The following CDH13 variants were observed in gnomAD, a reference collection of about 807,000 sequenced individuals.
CDH13 encodes cadherin 13, also known as cadherin-13.
In CDH13, 24 loss-of-function variants were observed where a neutral mutation model predicts 63.8. That is an observed-to-expected ratio of 0.38 (90% CI 0.27 to 0.53). CDH13 has a LOEUF of 0.53. Ranked by LOEUF, CDH13 falls within the 20% of genes least tolerant of loss-of-function variation. The probability of loss-of-function intolerance (pLI) is 0.85; values close to 1 mark genes in which losing one functional copy is unlikely to be tolerated. For synonymous variants in CDH13, 503 were observed against 355.3 expected (o/e 1.42, Z -4.67); for missense variants, 1,049 against 903.1 (o/e 1.16, Z -2.07).
At chr16:83,711,896 G>T (rs1359488401) in intron 10 of CDH13, among the ~76,000 whole-genome samples, 1 of 152,194 alleles carries the variant, frequency 6.6e-6, no homozygotes, top group Non-Finnish European at 1.5e-5. Context: ...AGACTGAGCA[G>T]CTTAAGTAGC....
At chr16:82,988,534 G>A (rs972415603) in intron 2 of CDH13, among the ~76,000 whole-genome samples, 1 of 152,182 alleles carries the variant, frequency 6.6e-6, no homozygotes, top group Admixed American at 6.5e-5. Context: ...GGCTGAGGCG[G>A]GCAGATCACC....
Position 82,846,375 on chromosome 16 carries a change from G to A in CDH13, c.46-11987G>A, listed in dbSNP as rs1204203114. Among the ~76,000 whole-genome samples the A allele has an allele frequency of 3.3e-5, 5 of 151,878 alleles. No individual in the cohort carries two copies. The East Asian group carries it at 7.7e-4, about 23-fold the overall frequency. On this transcript the variant is annotated intron_variant, in intron 1 of 13. Transcript: ENST00000567109. ...CTTATTATATAAGAAATATATATCA[G>A]CTATCAATATAAATAATAACTAGCA...
Position 83,567,847 on chromosome 16 carries a change from G to A in CDH13, c.961-34607G>A, listed in dbSNP as rs544618041. On this transcript the variant is annotated intron_variant, in intron 7 of 13. Coordinates refer to ENST00000567109, the MANE Select transcript of CDH13 (RefSeq NM_001257.5). Reference sequence around the variant, plus strand: ...CCTGACCTCGTGATCCACCTGCCTCGGCCTCCCAAAGTGCTGGGATTACAG... The same window carrying A: ...CCTGACCTCGTGATCCACCTGCCTCAGCCTCCCAAAGTGCTGGGATTACAG... Among the ~76,000 whole-genome samples, 11 of 151,524 alleles carry A rather than the reference G, an allele frequency of 7.3e-5. No homozygotes were observed. In the East Asian group the frequency reaches 1.2e-3, roughly 16 times the overall value.
intron 10 of CDH13, among the ~76,000 whole-genome samples, chr16:83,709,899 T>C (rs1907744988): frequency 6.6e-6 from 1 of 152,228 alleles, no homozygotes; most frequent in African/African-American, 2.4e-5. Context: ...CTCTAGTCAT[T>C]GGATTTGTAG....
At chr16:83,043,508 T>C (rs1009608258) in intron 3 of CDH13, among the ~76,000 whole-genome samples, 1 of 151,374 alleles carries the variant, frequency 6.6e-6, no homozygotes, top group African/African-American at 2.4e-5. Flanking sequence ...TGTGTGTGTG[T>C]GTGTGTGTGT....
intron 1 of CDH13, among the ~76,000 whole-genome samples, chr16:82,666,815 A>C (rs1912639357): frequency 6.6e-6 from 1 of 152,228 alleles, no homozygotes; most frequent in South Asian, 2.1e-4. Context: ...TAGAACATTT[A>C]ATCCCAGAGC....
intron 3 of CDH13, among the ~76,000 whole-genome samples, chr16:83,092,829 AT>A (rs2033984861): frequency 6.6e-6 from 1 of 152,162 alleles, no homozygotes; most frequent in South Asian, 2.1e-4. Context: ...TAGTACATTA[AT>A]TTTTCTTAAG....
intron 3 of CDH13, among the ~76,000 whole-genome samples, chr16:83,042,554 G>T (rs560788793): frequency 2.6e-4 from 39 of 152,222 alleles, no homozygotes; most frequent in African/African-American, 8.9e-4. Flanking sequence ...ACTAATAATA[G>T]AAATAAAGTG....
intron 5 of CDH13, among the ~76,000 whole-genome samples, chr16:83,220,277 A>G (rs766009836): frequency 6.6e-6 from 1 of 152,208 alleles, no homozygotes; most frequent in African/African-American, 2.4e-5. Context: ...TTATTTTTAG[A>G]TGATGAGAAC....
chr16:83,336,890 C>A (rs1454010006), intron 5 of CDH13, among the ~76,000 whole-genome samples: 1 of 152,110 alleles, frequency 6.6e-6, no homozygotes, highest in East Asian at 1.9e-4. Flanking sequence ...GCATTTTGGC[C>A]TTCACCCAAG....
At chr16:83,143,537 G>C (rs1365352232) in intron 4 of CDH13, among the ~76,000 whole-genome samples, 1 of 152,118 alleles carries the variant, frequency 6.6e-6, no homozygotes, top group African/African-American at 2.4e-5. Context: ...GAACTACTTG[G>C]ATAGCAATAT....
chr16:83,227,481 C>T (rs1238365188), intron 5 of CDH13, among the ~76,000 whole-genome samples: 2 of 152,100 alleles, frequency 1.3e-5, no homozygotes, highest in Non-Finnish European at 1.5e-5. Context: ...GCTGGTGGTG[C>T]CTATGATCAG....
At chr16:82,711,618 A>G (rs1833790308) in intron 1 of CDH13, among the ~76,000 whole-genome samples, 1 of 152,206 alleles carries the variant, frequency 6.6e-6, no homozygotes, top group South Asian at 2.1e-4. Flanking sequence ...ATCCAGAGAC[A>G]TTGAGGGGCT....
intron 6 of CDH13, among the ~76,000 whole-genome samples, chr16:83,401,317 TG>T (rs1226338368): frequency 6.7e-6 from 1 of 148,742 alleles, no homozygotes; most frequent in Non-Finnish European, 1.5e-5. Flanking sequence ...CCAGCCTGAG[TG>T]ACAGAGTGAG....
At chr16:83,520,518 T>G (rs1422726664) in intron 7 of CDH13, among the ~76,000 whole-genome samples, 1 of 152,110 alleles carries the variant, frequency 6.6e-6, no homozygotes, top group Non-Finnish European at 1.5e-5. Flanking sequence ...GCCTTGAATA[T>G]TGTGAATAAT....
At chr16:83,237,792 C>T (rs558468778) in intron 5 of CDH13, among the ~76,000 whole-genome samples, 2 of 152,176 alleles carry the variant, frequency 1.3e-5, no homozygotes, top group East Asian at 1.9e-4. Context: ...GAGTCACTGT[C>T]GAGATAAAAT....
intron 1 of CDH13, among the ~76,000 whole-genome samples, chr16:82,696,336 A>G (rs894530089): frequency 6.6e-6 from 1 of 152,218 alleles, no homozygotes; most frequent in Non-Finnish European, 1.5e-5. Context: ...ACTTTCTAAC[A>G]AAAATTAGAA....
chr16:82,741,321 C>G (rs958716227), intron 1 of CDH13, among the ~76,000 whole-genome samples: 2 of 152,172 alleles, frequency 1.3e-5, no homozygotes, highest in Admixed American at 1.3e-4. Context: ...ACTCTCTTTT[C>G]TCTCTCCCAC....
chr16:82,936,043 AC>A (rs948027499), intron 2 of CDH13, among the ~76,000 whole-genome samples: 30 of 152,184 alleles, frequency 2.0e-4, no homozygotes, highest in African/African-American at 6.0e-4. Flanking sequence ...TGGTCACCCC[AC>A]CCTAATCTTA....
Sources: gnomAD v4.1 joint callset for allele counts (sites outside exome capture counted in the v4.1 genomes callset) on GRCh38, gnomAD v4.1.1 for gene constraint, MANE v1.5 for transcripts, NCBI Gene and HGNC (gene_info 2026-07-23, HGNC 2026-07-21) for gene names.